CLCN1: variants seen among roughly 807,000 people sequenced by gnomAD.
CLCN1 encodes the protein chloride channel protein 1.
In CLCN1, 100 loss-of-function variants were observed where a neutral mutation model predicts 114.5. The observed-to-expected ratio is 0.87, with a 90% CI of 0.74 to 1.03. The LOEUF is 1.03. Among genes scored for constraint, CLCN1 ranks in the 50% least tolerant of loss-of-function variants. The probability of loss-of-function intolerance (pLI) is 0.00; values close to 1 mark genes in which losing one functional copy is unlikely to be tolerated. For missense variants in CLCN1, 1,188 were observed against 1,250.0 expected (o/e 0.95, Z 0.75); for synonymous variants, 485 against 487.1 (o/e 1.00, Z 0.06).
intron 7 of CLCN1, among the ~76,000 whole-genome samples, chr7:143,326,003 G>GTT (rs546357383): frequency 1.0e-3 from 152 of 151,828 alleles, no homozygotes; most frequent in African/African-American, 3.6e-3. Flanking sequence ...GGCATTACTT[G>GTT]TTTTTTTTGT....
chr7:143,322,351 G>T (rs1280225451), intron 5 of CLCN1, among the ~76,000 whole-genome samples: 1 of 152,186 alleles, frequency 6.6e-6, no homozygotes, highest in Non-Finnish European at 1.5e-5. Flanking sequence ...TTTCAAGGTT[G>T]CTCGGTGGGT....
intron 2 of CLCN1, among the ~76,000 whole-genome samples, chr7:143,320,373 A>G (rs889872223): frequency 6.6e-6 from 1 of 152,150 alleles, no homozygotes; most frequent in Non-Finnish European, 1.5e-5. Flanking sequence ...AGTTTTAGGA[A>G]GGAATTCAAG....
chr7:143,319,127 G>C (rs1332349916), intron 1 of CLCN1, among the ~76,000 whole-genome samples: 4 of 152,198 alleles, frequency 2.6e-5, no homozygotes, highest in African/African-American at 9.7e-5. Context: ...ATGTGGGGCA[G>C]GTAGGGGTCT....
At position 143,321,921 on chromosome 7, in the gene CLCN1, A is replaced by G. The variant is rs756694573; in HGVS notation, c.696+73A>G. 62 of 1,540,714 alleles carry G rather than the reference A, an allele frequency of 4.0e-5. No individual in the cohort carries two copies. The highest frequency in any genetic ancestry group is 5.3e-5 in the Non-Finnish European group (60 of 1,131,480). On this transcript the variant is annotated intron_variant, in intron 5 of 22. Transcript: ENST00000343257. This position sits in a 1 kb window ranked among gnomAD's most constrained non-coding sequence, Gnocchi z 4.2. ...CCAGGGTGGCACCAACTCTAGAGGG[A>G]GCTCTGGGAGTGGAAGTGGATCAGG...
chr7:143,342,945 T>A (rs945064104), intron 16 of CLCN1, among the ~76,000 whole-genome samples: 42 of 151,110 alleles, frequency 2.8e-4, no homozygotes, highest in African/African-American at 5.2e-4. Context: ...AAAAAAAAAA[T>A]TTCCCACTAA....
rs747623305 is a variant in CLCN1, at chr7:143,346,622, G to T, written c.2328G>T (p.Leu776=). 36 of 1,613,762 alleles carry T rather than the reference G, an allele frequency of 2.2e-5. No individual in the cohort carries two copies. The South Asian group carries it at 3.7e-4, about 17-fold the overall frequency. The part of the protein sequence containing the change: ...SIFQSLLHCL[L]GRARPTKKKT... Reference sequence around the variant, plus strand: ...TCCAGTCCCTGCTTCACTGCTTGCTGGGCAGAGCTCGCCCCACAAAGAAGA... The same window carrying T: ...TCCAGTCCCTGCTTCACTGCTTGCTTGGCAGAGCTCGCCCCACAAAGAAGA... The change falls in exon 19 of 23, where the codon CTG becomes CTT. Residue 776 remains leucine, a synonymous_variant. Transcript: ENST00000343257.
chr7:143,332,742 A>G lies in CLCN1; in HGVS notation c.1270A>G (p.Ile424Val). ...MAGELMPREAISTLFDNNTWV... is the reference protein window; with the variant it reads ...MAGELMPREAVSTLFDNNTWV... The stretch of plus-strand genomic sequence containing the variant: ...CTCCCAGTTGATGCCCCGCGAAGCC[A>G]TCAGTACTTTGTTTGACAACAATAC... Residue 424 changes from isoleucine to valine, a missense_variant, in exon 12 of 23, where the codon ATC becomes GTC. Transcript: ENST00000343257. 6.2e-7 allele frequency: 1 copy of G among 1,614,198 alleles called. No homozygotes were observed. Among genetic ancestry groups the G allele is most frequent in the Non-Finnish European group, 8.5e-7 (1 of 1,180,040 alleles).
Position 143,320,763 on chromosome 7 carries a change from G to T in CLCN1, c.401G>T (p.Ser134Ile), listed in dbSNP as rs1802407655. 1 of 1,613,790 alleles carries T rather than the reference G, an allele frequency of 6.2e-7. No individual in the cohort carries two copies. The highest frequency in any genetic ancestry group is 8.5e-7 in the Non-Finnish European group (1 of 1,179,880). ...LGLLMALVSW[S>I]MDYVSAKSLQ... ...CTGCTGATGGCTCTGGTCAGCTGGAGCATGGACTACGTCAGTGCCAAAAGC... is the reference window on the plus strand; with the variant it reads ...CTGCTGATGGCTCTGGTCAGCTGGATCATGGACTACGTCAGTGCCAAAAGC... Residue 134 changes from serine to isoleucine, a missense_variant, in exon 3 of 23, where the codon AGC becomes ATC. Ser to Ile is a moderately radical substitution (Grantham distance 142). Transcript: ENST00000343257.
chr7:143,332,437 A>G lies in CLCN1; in HGVS notation c.1185A>G (p.Gly395=). 21 of 1,613,970 alleles carry G rather than the reference A, an allele frequency of 1.3e-5. No individual in the cohort carries two copies. The highest frequency in any genetic ancestry group is 1.8e-5 in the Non-Finnish European group (21 of 1,179,944). The change falls in exon 11 of 23, where the codon GGA becomes GGG. Residue 395 remains glycine, a synonymous_variant. Transcript: ENST00000343257. The stretch of plus-strand genomic sequence containing the variant: ...TTTTCAGCCGCCTGCTGTATCCTGG[A>G]ATTGTTACCTTTGTCATTGCCTCAT... ...FLAKHRLLYP[G]IVTFVIASFT... is the part of the protein sequence containing the mutation.
chr7:143,349,467 G>A (rs2116394554), intron 20 of CLCN1, among the ~76,000 whole-genome samples: 1 of 152,314 alleles, frequency 6.6e-6, no homozygotes, highest in African/African-American at 2.4e-5. Context: ...ATCATTCAGA[G>A]GATACTGACT....
At chr7:143,346,307 C>A in intron 18 of CLCN1, 56 bp downstream of exon 18, 1 of 1,225,014 alleles carries the variant, frequency 8.2e-7, no homozygotes, top group Non-Finnish European at 1.2e-6. Context: ...TCTCTGGTCA[C>A]TAGGACCTGA....
chr7:143,332,076 T>C (rs968360075), intron 10 of CLCN1, among the ~76,000 whole-genome samples: 5 of 151,804 alleles, frequency 3.3e-5, no homozygotes, highest in African/African-American at 1.2e-4. Context: ...GGATCTACCC[T>C]CCTTGGCCTC....
Position 143,345,318 on chromosome 7 carries a change from C to G in CLCN1, c.1931-203C>G, listed in dbSNP as rs73172434. On this transcript the variant is annotated intron_variant, in intron 16 of 22. Transcript: ENST00000343257. Reference sequence around the variant, plus strand: ...CCAATTAGTGCTCTACCAATTGGCCCCGTACCTGCTAAATGGATGAAATAA... The same window carrying G: ...CCAATTAGTGCTCTACCAATTGGCCGCGTACCTGCTAAATGGATGAAATAA... Among the ~76,000 whole-genome samples the G allele has an allele frequency of 9.1e-3, 1,391 of 152,266 alleles. 12 individuals are homozygous for G. Among genetic ancestry groups the G allele is most frequent in the Non-Finnish European group, 0.012 (812 of 68,022 alleles).
Position 143,350,927 on chromosome 7 carries a change from G to A in CLCN1, c.2595+273G>A, listed in dbSNP as rs541871864. ...CAAGTAGCTGGGATTACAGGCGCCC[G>A]CTACCACACCCGCTAATTTTTTGTA... is the stretch of plus-strand genomic sequence containing the variant. On this transcript the variant is annotated intron_variant, in intron 22 of 22. Transcript: ENST00000343257. The surrounding 1 kb of genome is among the most constrained non-coding windows in gnomAD (Gnocchi z 5.1). Among the ~76,000 whole-genome samples the A allele has an allele frequency of 3.3e-5, 5 of 152,124 alleles. No homozygotes were observed. Among genetic ancestry groups the A allele is most frequent in the East Asian group, 1.9e-4 (1 of 5,174 alleles).
rs746358892 is a variant in CLCN1 at position 143,350,339 on chromosome 7, T to G, written c.2404-33T>G. On this transcript the variant is annotated intron_variant, in intron 20 of 22. Coordinates refer to ENST00000343257, the MANE Select transcript of CLCN1 (RefSeq NM_000083.3). This position sits in a 1 kb window ranked among gnomAD's most constrained non-coding sequence, Gnocchi z 5.1. The stretch of plus-strand genomic sequence containing the variant: ...GTATCTGGGGTGAAAGGAGGCTCTG[T>G]GATTTTCGTGACTTTCCTCCTCTGG... 5.7e-6 allele frequency: 9 copies of G among 1,573,162 alleles called. No homozygotes were observed. The South Asian group carries it at 1.0e-4, about 18-fold the overall frequency.
Position 143,337,791 on chromosome 7 carries a change from A to G in CLCN1, c.1402-1462A>G, listed in dbSNP as rs1802946390. ...AAGTTCCACAACTAGCCTTTTTTCC[A>G]TTCTATTTCTCAATTCTTTTTTTTT... On this transcript the variant is annotated intron_variant, in intron 12 of 22. Coordinates refer to ENST00000343257, the MANE Select transcript of CLCN1 (RefSeq NM_000083.3). 6.2e-5 allele frequency among the ~76,000 whole-genome samples: 5 copies of G among 80,178 alleles called. No individual in the cohort carries two copies. In the Admixed American group the frequency reaches 7.3e-4, roughly 12 times the overall value. 52.6% of individuals were successfully genotyped at this position (80,178 alleles called of 152,430 possible). A position where few individuals can be genotyped will look rare whatever the true frequency, so the allele number is the denominator to read the frequency against.
At chr7:143,342,171 G>A in intron 15 of CLCN1, 29 bp downstream of exon 15, 1 of 1,601,904 alleles carries the variant, frequency 6.2e-7, no homozygotes, top group Non-Finnish European at 8.6e-7. Context: ...AATTAGTTCA[G>A]ATCTGATGGG....
intron 7 of CLCN1, among the ~76,000 whole-genome samples, chr7:143,328,263 G>A (rs1385039101): frequency 6.6e-6 from 1 of 152,026 alleles, no homozygotes; most frequent in Admixed American, 6.5e-5. Flanking sequence ...ATGAAATTGA[G>A]AGAGAAAGTG....
chr7:143,346,678 G>A lies in CLCN1; in HGVS notation c.2364+20G>A, dbSNP rs750430261. The A allele has an allele frequency of 7.5e-6, 12 of 1,592,582 alleles. No homozygotes were observed. Among genetic ancestry groups the A allele is most frequent in the Non-Finnish European group, 1.0e-5 (12 of 1,161,746 alleles). ...ACCCAGGTGAGAGGAGATGTGTTTGGGGATACAGGGGAAAGGGAGCCTGCC... is the reference window on the plus strand; with the variant it reads ...ACCCAGGTGAGAGGAGATGTGTTTGAGGATACAGGGGAAAGGGAGCCTGCC... On this transcript the variant is annotated intron_variant, in intron 19 of 22. Transcript: ENST00000343257.
Sources: gnomAD v4.1 joint callset for allele counts (sites outside exome capture counted in the v4.1 genomes callset) on GRCh38, gnomAD v4.1.1 for gene constraint, Gnocchi (gnomAD v3.1) non-coding constraint, MANE v1.5 for transcripts, NCBI Gene and HGNC (gene_info 2026-07-23, HGNC 2026-07-21) for gene names.